Variants in CCDC178 observed in about 807,000 individuals in gnomAD.
The protein encoded by CCDC178 is coiled-coil domain containing 178, also known as coiled-coil domain-containing protein 178.
Under a neutral mutation model 117.4 loss-of-function variants are expected in CCDC178, and 126 were observed. The ratio of observed to expected loss-of-function variants is 1.07; its 90% CI spans 0.93 to 1.24. The LOEUF is 1.24. CCDC178 is among the 50% of genes most tolerant of loss of function. CCDC178 has a pLI of 0.00. For missense variants in CCDC178, 1,030 were observed against 986.9 expected (o/e 1.04, Z -0.59); for synonymous variants, 283 against 313.4 (o/e 0.90, Z 1.02).
chr18:33,345,644 G>A (rs1181615490), intron 9 of CCDC178, among the ~76,000 whole-genome samples: 3 of 152,118 alleles, frequency 2.0e-5, no homozygotes, highest in East Asian at 1.9e-4. Context: ...TTCAAATACT[G>A]TAGTCATTAT....
chr18:33,382,538 T>C (rs1002764942), intron 5 of CCDC178, among the ~76,000 whole-genome samples: 2 of 152,242 alleles, frequency 1.3e-5, no homozygotes, highest in Admixed American at 6.5e-5. Context: ...CCACGGACAG[T>C]GAGCAGAAGC....
At chr18:33,062,932 G>A (rs921300053) in intron 21 of CCDC178, among the ~76,000 whole-genome samples, 1 of 152,114 alleles carries the variant, frequency 6.6e-6, no homozygotes, top group Non-Finnish European at 1.5e-5. Flanking sequence ...TAGGGAGCAG[G>A]CTGACCAGTG....
At chr18:33,000,412 GA>G (rs1332260476) in intron 21 of CCDC178, among the ~76,000 whole-genome samples, 1 of 152,162 alleles carries the variant, frequency 6.6e-6, no homozygotes, top group Non-Finnish European at 1.5e-5. Context: ...AGATGGGGTA[GA>G]AAGTGGATTT....
chr18:33,376,389 CT>C, intron 5 of CCDC178, among the ~76,000 whole-genome samples: 1 of 152,222 alleles, frequency 6.6e-6, no homozygotes, highest in East Asian at 1.9e-4. Flanking sequence ...CAAAATAAAA[CT>C]TTTAATTAGC....
At chr18:33,213,731 T>C (rs752616348) in intron 19 of CCDC178, among the ~76,000 whole-genome samples, 1 of 152,012 alleles carries the variant, frequency 6.6e-6, no homozygotes, top group Non-Finnish European at 1.5e-5. Context: ...GACTTTGAAG[T>C]CCTATGGGTC....
rs538760517 is a variant in CCDC178, at chr18:33,098,277, G to T, written c.2239-5367C>A. On this transcript the variant is annotated intron_variant, in intron 20 of 22. Transcript: ENST00000383096. ...TTATTGTTAGTACAATCATCGTGGT[G>T]TCTATGACTAAATGCATAGCAATGT... Among the ~76,000 whole-genome samples, 4 of 152,148 alleles carry T rather than the reference G, an allele frequency of 2.6e-5. No individual in the cohort carries two copies. The South Asian group carries it at 8.3e-4, about 32-fold the overall frequency.
At chr18:33,319,425 T>C (rs1278569060) in intron 11 of CCDC178, among the ~76,000 whole-genome samples, 2 of 152,206 alleles carry the variant, frequency 1.3e-5, no homozygotes, top group Non-Finnish European at 2.9e-5. Flanking sequence ...CCACATTTTC[T>C]TAATCCCGTC....
chr18:33,120,920 G>T (rs375619059), intron 20 of CCDC178, among the ~76,000 whole-genome samples: 1 of 152,092 alleles, frequency 6.6e-6, no homozygotes, highest in African/African-American at 2.4e-5. Context: ...GTTTTTGGTT[G>T]TATGTAGAAT....
In CCDC178 at chr18:33,100,136, C is replaced by T. The variant is rs563693480; in HGVS notation, c.2239-7226G>A. On this transcript the variant is annotated intron_variant, in intron 20 of 22. Transcript: ENST00000383096. Reference sequence around the variant, plus strand: ...GAATCATACCTGTCCCTGCCAGAGTCCAGGGGAATACTTCCGTTAGCTGCC... The same window carrying T: ...GAATCATACCTGTCCCTGCCAGAGTTCAGGGGAATACTTCCGTTAGCTGCC... 3.3e-5 allele frequency among the ~76,000 whole-genome samples: 5 copies of T among 151,958 alleles called. No homozygotes were observed. In the South Asian group the frequency reaches 1.0e-3, roughly 32 times the overall value.
At chr18:33,384,494 A>C (rs1319816015) in intron 5 of CCDC178, among the ~76,000 whole-genome samples, 1 of 152,228 alleles carries the variant, frequency 6.6e-6, no homozygotes, top group Admixed American at 6.5e-5. Context: ...AGGGCAACCC[A>C]TCAGACTAAC....
Position 32,974,640 on chromosome 18 carries a change from C to T in CCDC178, c.2430G>A (p.Glu810=), listed in dbSNP as rs761181378. Residue 810 remains glutamate, a synonymous_variant, in exon 22 of 23, where the codon GAG becomes GAA. Transcript: ENST00000383096. ...TGAAGAGGACCACCAGTTTGAAGTGCTCCTGCCACAGTGTGTGCATCCTTC... is the reference window on the plus strand; with the variant it reads ...TGAAGAGGACCACCAGTTTGAAGTGTTCCTGCCACAGTGTGTGCATCCTTC... The part of the protein sequence containing the change: ...LQRRMHTLWQ[E]HFKLVVLFSQ... 8 of 1,613,174 alleles carry T rather than the reference C, an allele frequency of 5.0e-6. No individual in the cohort carries two copies. In the Admixed American group the frequency reaches 1.2e-4, roughly 24 times the overall value.
chr18:33,375,092 A>C (rs781136073), intron 5 of CCDC178, among the ~76,000 whole-genome samples: 2 of 152,084 alleles, frequency 1.3e-5, no homozygotes, highest in African/African-American at 4.8e-5. Context: ...AAATGAGTGG[A>C]TTGTATTGCA....
intron 15 of CCDC178, among the ~76,000 whole-genome samples, chr18:33,242,625 A>AG (rs1555669892): frequency 6.6e-6 from 1 of 151,374 alleles, no homozygotes; most frequent in Non-Finnish European, 1.5e-5. Context: ...TCAAAAAAAA[A>AG]TCATACAAAT....
intron 12 of CCDC178, among the ~76,000 whole-genome samples, chr18:33,270,463 C>G (rs66714151): frequency 0.069 from 10,408 of 151,344 alleles, 557 homozygotes; most frequent in African/African-American, 0.14. Flanking sequence ...TGTCAAAAGT[C>G]AAAGACAAAG....
At chr18:33,387,780 C>T (rs370674275) in intron 5 of CCDC178, among the ~76,000 whole-genome samples, 2 of 152,256 alleles carry the variant, frequency 1.3e-5, no homozygotes, top group African/African-American at 4.8e-5. Flanking sequence ...CTAGGCAATA[C>T]TATTCAGGAC....
intron 11 of CCDC178, among the ~76,000 whole-genome samples, chr18:33,300,353 A>C (rs2062161256): frequency 6.6e-6 from 1 of 152,230 alleles, no homozygotes; most frequent in South Asian, 2.1e-4. Flanking sequence ...AAAATGGCTT[A>C]ATAAATAAAA....
intron 21 of CCDC178, among the ~76,000 whole-genome samples, chr18:33,068,797 A>T (rs907890671): frequency 2.6e-5 from 4 of 152,268 alleles, no homozygotes; most frequent in African/African-American, 7.2e-5. Flanking sequence ...CTTATTCAAC[A>T]TGGTACTGGA....
At chr18:33,184,597 C>T (rs1344820223) in intron 20 of CCDC178, among the ~76,000 whole-genome samples, 1 of 152,028 alleles carries the variant, frequency 6.6e-6, no homozygotes, top group Non-Finnish European at 1.5e-5. Flanking sequence ...AAAGTTGCTG[C>T]AGCCAAAGGC....
At chr18:33,188,771 G>T (rs1326761063) in intron 20 of CCDC178, among the ~76,000 whole-genome samples, 1 of 152,174 alleles carries the variant, frequency 6.6e-6, no homozygotes, top group East Asian at 1.9e-4. Flanking sequence ...TTTCAACCAA[G>T]CTTGTCAGAC....
Sources: allele counts gnomAD v4.1 joint callset (sites outside exome capture counted in the v4.1 genomes callset), GRCh38; gene constraint gnomAD v4.1.1; transcripts MANE v1.5; gene names NCBI Gene and HGNC (gene_info 2026-07-23, HGNC 2026-07-21).